The following TMX1 variants were observed in gnomAD, a reference collection of about 807,000 sequenced individuals.
TMX1 encodes the protein thioredoxin related transmembrane protein 1, also known as thioredoxin-related transmembrane protein 1.
Under a neutral mutation model 36.6 loss-of-function variants are expected in TMX1, and 25 were observed. The ratio of observed to expected loss-of-function variants is 0.68; its 90% CI spans 0.50 to 0.95. The LOEUF (loss-of-function observed/expected upper bound fraction) is 0.95, where lower values mean the gene tolerates loss of function less well. Ranked by LOEUF, TMX1 falls within the 40% of genes least tolerant of loss-of-function variation. The pLI is 0.00. For missense variants in TMX1, 347 were observed against 339.6 expected, an observed-to-expected ratio of 1.02 and a Z score of -0.17; for synonymous variants, 133 against 118.0, an observed-to-expected ratio of 1.13 and a Z score of -0.82.
At chr14:51,249,190 A>G in intron 4 of TMX1, 136 bp from the exon 5 acceptor site, 1 of 625,996 alleles carries the variant, frequency 1.6e-6, no homozygotes, top group Non-Finnish European at 2.6e-6. Flanking sequence ...ACAGGCATGA[A>G]ATCAGTGATG....
rs537669710 is a variant in TMX1 at position 51,249,823 on chromosome 14, A to G, written c.664+58A>G. 88 of 1,308,740 alleles carry G rather than the reference A, an allele frequency of 6.7e-5. No individual in the cohort carries two copies. The African/African-American group carries it at 1.1e-3, about 17-fold the overall frequency. The allele number at this position is 1,308,740 out of a possible 1,614,324, so 81.1% of individuals were successfully genotyped here. ...CACGATAGTCCTATTCATTTCTGTA[A>G]TCACAATCACACATTTCACAGGTTG... On this transcript the variant is annotated intron_variant, in intron 7 of 7. Coordinates refer to ENST00000457354, the MANE Select transcript of TMX1 (RefSeq NM_030755.5).
intron 3 of TMX1, chr14:51,245,912 T>G: frequency 5.9e-6 from 1 of 170,904 alleles, no homozygotes; most frequent in Non-Finnish European, 1.3e-5. Context: ...GATTATGTAG[T>G]CTTCAGTGTC....
Position 51,243,970 on chromosome 14 carries a change from A to G in TMX1, c.267A>G (p.Pro89=). ...CGAAAGTAGATGTCACAGAGCAGCCAGGTACTGTAAGTCTTTGGTTAGTTT... is the reference window on the plus strand; with the variant it reads ...CGAAAGTAGATGTCACAGAGCAGCCGGGTACTGTAAGTCTTTGGTTAGTTT... ...NIAKVDVTEQ[P]GLSGRFIITA... is the part of the protein sequence containing the mutation. Residue 89 remains proline, a splice_region_variant and synonymous_variant, in exon 2 of 8, where the codon CCA becomes CCG. Transcript: ENST00000457354. 1.3e-6 allele frequency: 2 copies of G among 1,599,106 alleles called. No individual in the cohort carries two copies. Among genetic ancestry groups the G allele is most frequent in the South Asian group, 1.1e-5 (1 of 87,182 alleles).
rs2065753370 is a variant in TMX1, at chr14:51,240,271, T to G, written c.-22T>G. 2.5e-6 allele frequency: 4 copies of G among 1,606,006 alleles called. No homozygotes were observed. The South Asian group carries it at 4.4e-5, about 18-fold the overall frequency. ...AAGTGGGAGCTGCGACCGCGCTCCC[T>G]GTGAGGTGGGCAAGCGGCGAAATGG... is the stretch of plus-strand genomic sequence containing the variant. On this transcript the variant is annotated 5_prime_UTR_variant, in exon 1 of 8. Coordinates refer to ENST00000457354, the MANE Select transcript of TMX1 (RefSeq NM_030755.5).
At chr14:51,250,033 A>ATATT (rs1275729839) in intron 7 of TMX1, among the ~76,000 whole-genome samples, 2 of 152,204 alleles carry the variant, frequency 1.3e-5, no homozygotes, top group Admixed American at 1.3e-4. Context: ...CTATTTAATA[A>ATATT]TATTTATTTG....
chr14:51,244,578 C>T (rs1321066946), intron 2 of TMX1, among the ~76,000 whole-genome samples: 3 of 151,802 alleles, frequency 2.0e-5, no homozygotes, highest in African/African-American at 7.3e-5. Context: ...CAGGTCCTGC[C>T]CTTAAGGAGG....
At chr14:51,243,133 A>G (rs1180540496) in intron 1 of TMX1, among the ~76,000 whole-genome samples, 2 of 151,726 alleles carry the variant, frequency 1.3e-5, no homozygotes, top group African/African-American at 2.4e-5. Flanking sequence ...GTGGTGTATT[A>G]TAAGATAAAA....
At chr14:51,241,882 C>G (rs957012379) in intron 1 of TMX1, among the ~76,000 whole-genome samples, 3 of 152,182 alleles carry the variant, frequency 2.0e-5, no homozygotes, top group African/African-American at 7.2e-5. Context: ...GTAATCCCAG[C>G]ACTTTGGGAG....
At chr14:51,251,106 A>T (rs554179407) in intron 7 of TMX1, among the ~76,000 whole-genome samples, 22 of 152,264 alleles carry the variant, frequency 1.4e-4, no homozygotes, top group Non-Finnish European at 3.2e-4. Flanking sequence ...AAAATGTAAG[A>T]TATAATTTAG....
Position 51,254,384 on chromosome 14 carries a change from G to A in TMX1, c.708G>A (p.Glu236=), listed in dbSNP as rs1488403059. 2.5e-6 allele frequency: 4 copies of A among 1,610,562 alleles called. No individual in the cohort carries two copies. The African/African-American group carries it at 4.0e-5, about 16-fold the overall frequency. The change falls in exon 8 of 8, where the codon GAG becomes GAA. Residue 236 remains glutamate, a synonymous_variant. Coordinates refer to ENST00000457354, the MANE Select transcript of TMX1 (RefSeq NM_030755.5). ...CTGCACAACCTTTGAAAAAAGTGGA[G>A]GAGGAACAAGAGGCGGATGAAGAAG... ...SESAQPLKKV[E]EEQEADEEDV...
At chr14:51,241,200 C>G (rs896449522) in intron 1 of TMX1, among the ~76,000 whole-genome samples, 16 of 152,074 alleles carry the variant, frequency 1.1e-4, no homozygotes, top group African/African-American at 3.6e-4. Context: ...ATTTATTGCT[C>G]GAACGAAATC....
Position 51,254,201 on chromosome 14 carries a change from A to G in TMX1, c.665-140A>G, listed in dbSNP as rs555052790. On this transcript the variant is annotated intron_variant, in intron 7 of 7. Transcript: ENST00000457354. ...CATGGTTTTTTTTATCTTATCTTGA[A>G]TAACTTTCCTTTTGGACATCCAAAC... 39 of 621,500 alleles carry G rather than the reference A, an allele frequency of 6.3e-5. No homozygotes were observed. In the East Asian group the frequency reaches 1.1e-3, roughly 17 times the overall value. The allele number at this position is 621,500 out of a possible 1,614,324, so 38.5% of individuals were successfully genotyped here. A position where few individuals can be genotyped will look rare whatever the true frequency, so the allele number is the denominator to read the frequency against.
At position 51,257,171 on chromosome 14, in the gene TMX1, G is replaced by A. The variant is rs1479363544; in HGVS notation, c.*2652G>A. On this transcript the variant is annotated 3_prime_UTR_variant, in exon 8 of 8. Coordinates refer to ENST00000457354, the MANE Select transcript of TMX1 (RefSeq NM_030755.5). ...TGTCAGAATGTAGGAGTGAATAAATGCTATTCATAAATAACCATAATTATT... is the reference window on the plus strand; with the variant it reads ...TGTCAGAATGTAGGAGTGAATAAATACTATTCATAAATAACCATAATTATT... 6.6e-6 allele frequency: 1 copy of A among 152,068 alleles called. No individual in the cohort carries two copies. Among genetic ancestry groups the A allele is most frequent in the Non-Finnish European group, 1.5e-5 (1 of 68,014 alleles). The allele number at this position is 152,068 out of a possible 1,614,324, so 9.4% of individuals were successfully genotyped here.
chr14:51,245,395 G>A (rs1424261534), intron 3 of TMX1, 37 bp downstream of exon 3: 1 of 1,611,046 alleles, frequency 6.2e-7, no homozygotes, highest in Non-Finnish European at 8.5e-7. Context: ...GGAGAAGGAT[G>A]CATTATAGTG....
rs1442214782 is a variant in TMX1 at position 51,240,568 on chromosome 14, G to A, written c.152+124G>A. The A allele has an allele frequency of 8.2e-6, 11 of 1,347,190 alleles. No individual in the cohort carries two copies. In the East Asian group the frequency reaches 1.8e-4, roughly 22 times the overall value. The allele number at this position is 1,347,190 out of a possible 1,614,324, so 83.5% of individuals were successfully genotyped here. On this transcript the variant is annotated intron_variant, in intron 1 of 7. Coordinates refer to ENST00000457354, the MANE Select transcript of TMX1 (RefSeq NM_030755.5). Reference sequence around the variant, plus strand: ...TCCGAGTTGCGGAGCGAGCGTCCCCGACTTCTGCAGCTCCCCAAACTCTTG... The same window carrying A: ...TCCGAGTTGCGGAGCGAGCGTCCCCAACTTCTGCAGCTCCCCAAACTCTTG...
In TMX1 at chr14:51,255,519, T is replaced by C. The variant is rs1226805950; in HGVS notation, c.*1000T>C. 6.6e-6 allele frequency: 1 copy of C among 152,010 alleles called. No individual in the cohort carries two copies. Among genetic ancestry groups the C allele is most frequent in the Non-Finnish European group, 1.5e-5 (1 of 67,910 alleles). 9.4% of individuals were successfully genotyped at this position (152,010 alleles called of 1,614,324 possible). On this transcript the variant is annotated 3_prime_UTR_variant, in exon 8 of 8. Transcript: ENST00000457354. ...CTTAATATAAAAGTTTGCATTCTAC[T>C]CAGGAAAAAGCATCTTCTTGTATAT...
intron 2 of TMX1, among the ~76,000 whole-genome samples, chr14:51,244,476 G>T (rs184960839): frequency 1.3e-5 from 2 of 152,320 alleles, no homozygotes; most frequent in East Asian, 3.9e-4. Context: ...TTTAAATTTA[G>T]TACCTATGAT....
At chr14:51,247,361 T>TTC (rs2065790703) in intron 4 of TMX1, 141 bp downstream of exon 4, 1 of 939,288 alleles carries the variant, frequency 1.1e-6, no homozygotes. Flanking sequence ...GATTTTTTTT[T>TTC]TTTTTTTTTT....
rs1407375274 is a variant in TMX1 at position 51,240,321 on chromosome 14, C to G, written c.29C>G (p.Pro10Arg). MAPSGSLAV[P>R]LAVLVLLLWG... Reference sequence around the variant, plus strand: ...GCGCCCTCCGGGAGTCTTGCAGTTCCCCTGGCAGTCCTGGTGCTGTTGCTT... The same window carrying G: ...GCGCCCTCCGGGAGTCTTGCAGTTCGCCTGGCAGTCCTGGTGCTGTTGCTT... The change falls in exon 1 of 8, where the codon CCC becomes CGC. Residue 10 changes from proline (P) to arginine (R), a missense_variant. Pro to Arg is a moderately radical substitution (Grantham distance 103, BLOSUM62 -2). Coordinates refer to ENST00000457354, the MANE Select transcript of TMX1 (RefSeq NM_030755.5). The G allele has an allele frequency of 6.2e-7, 1 of 1,613,102 alleles. No individual in the cohort carries two copies. The highest frequency in any genetic ancestry group is 8.5e-7 in the Non-Finnish European group (1 of 1,179,990).
Sources: gnomAD v4.1 joint callset for allele counts (sites outside exome capture counted in the v4.1 genomes callset) on GRCh38, gnomAD v4.1.1 for gene constraint, MANE v1.5 for transcripts, NCBI Gene and HGNC (gene_info 2026-07-23, HGNC 2026-07-21) for gene names.